Variants in HS6ST3 observed in about 807,000 individuals in gnomAD.
The protein encoded by HS6ST3 is heparan sulfate 6-O-sulfotransferase 3, also known as heparan-sulfate 6-O-sulfotransferase 3.
A neutral mutation model predicts 36.7 loss-of-function variants in HS6ST3; 12 were observed. That is an observed-to-expected ratio of 0.33 (90% CI 0.21 to 0.53). The LOEUF (loss-of-function observed/expected upper bound fraction) is 0.53. Ranked by LOEUF, HS6ST3 falls within the 20% of genes least tolerant of loss-of-function variation. The probability of loss-of-function intolerance (pLI) is 0.95; values close to 1 mark genes in which losing one functional copy is unlikely to be tolerated. For missense variants in HS6ST3, 584 were observed against 640.9 expected, an observed-to-expected ratio of 0.91 and a Z score of 0.96; for synonymous variants, 240 against 257.5, an observed-to-expected ratio of 0.93 and a Z score of 0.65.
chr13:96,238,086 C>T (rs1469873202), intron 1 of HS6ST3, among the ~76,000 whole-genome samples: 1 of 152,172 alleles, frequency 6.6e-6, no homozygotes, highest in Non-Finnish European at 1.5e-5. Flanking sequence ...ATTCCATCCT[C>T]CAAACCTGTT....
intron 1 of HS6ST3, among the ~76,000 whole-genome samples, chr13:96,195,555 T>C (rs764713936): frequency 3.9e-5 from 6 of 152,184 alleles, no homozygotes; most frequent in Non-Finnish European, 5.9e-5. Flanking sequence ...ACAACAGCTA[T>C]GTGTGGGACT....
chr13:96,675,663 C>T (rs2056696744), intron 1 of HS6ST3, among the ~76,000 whole-genome samples: 1 of 151,960 alleles, frequency 6.6e-6, no homozygotes, highest in Non-Finnish European at 1.5e-5. Flanking sequence ...AATGTAAGAC[C>T]CTCTGCATAT....
chr13:96,187,568 CATATTAGGT>C (rs1375799692), intron 1 of HS6ST3, among the ~76,000 whole-genome samples: 1 of 152,150 alleles, frequency 6.6e-6, no homozygotes, highest in Non-Finnish European at 1.5e-5. Context: ...CCCGTGGCTT[CATATTAGGT>C]TATAGAATAG....
At position 96,813,348 on chromosome 13, in the gene HS6ST3, G is replaced by C. The variant is rs528752199; in HGVS notation, c.708-19142G>C. Reference sequence around the variant, plus strand: ...GGGTATCAAAGGGCCTCAACATGCAGCTCTTCTTCCTGAGAAGGATAAACG... The same window carrying C: ...GGGTATCAAAGGGCCTCAACATGCACCTCTTCTTCCTGAGAAGGATAAACG... On this transcript the variant is annotated intron_variant, in intron 1 of 1. Transcript: ENST00000376705. Among the ~76,000 whole-genome samples the C allele has an allele frequency of 1.7e-4, 26 of 152,228 alleles. No individual in the cohort carries two copies. The South Asian group carries it at 3.1e-3, about 18-fold the overall frequency.
chr13:96,132,647 C>G (rs1402715722), intron 1 of HS6ST3, among the ~76,000 whole-genome samples: 1 of 152,048 alleles, frequency 6.6e-6, no homozygotes, highest in African/African-American at 2.4e-5. Flanking sequence ...CTCAAGTGAT[C>G]CTCCCACCTC....
At chr13:96,653,330 G>C (rs1315272092) in intron 1 of HS6ST3, among the ~76,000 whole-genome samples, 2 of 150,938 alleles carry the variant, frequency 1.3e-5, no homozygotes, top group Non-Finnish European at 3.0e-5. Context: ...ATCTACATTA[G>C]GTATTTCTAC....
chr13:96,418,216 T>C (rs2055544510), intron 1 of HS6ST3, among the ~76,000 whole-genome samples: 1 of 152,184 alleles, frequency 6.6e-6, no homozygotes, highest in African/African-American at 2.4e-5. Flanking sequence ...GTTTGCAGCA[T>C]GAGAACTGAA....
intron 1 of HS6ST3, among the ~76,000 whole-genome samples, chr13:96,348,665 C>T (rs924365747): frequency 3.3e-5 from 5 of 152,166 alleles, no homozygotes; most frequent in Non-Finnish European, 5.9e-5. Context: ...TCTATTTTGC[C>T]ACTCAGAGAG....
chr13:96,666,258 TG>T (rs962786104), intron 1 of HS6ST3, among the ~76,000 whole-genome samples: 7 of 152,160 alleles, frequency 4.6e-5, no homozygotes, highest in Admixed American at 3.9e-4. Flanking sequence ...AGCCCCACCA[TG>T]ATTCAATTAC....
chr13:96,724,900 G>C (rs770503602), intron 1 of HS6ST3, among the ~76,000 whole-genome samples: 3 of 152,180 alleles, frequency 2.0e-5, no homozygotes, highest in Admixed American at 6.5e-5. Flanking sequence ...TGGAATGACT[G>C]GATCATATAG....
intron 1 of HS6ST3, among the ~76,000 whole-genome samples, chr13:96,176,032 T>G (rs2054211340): frequency 6.6e-6 from 1 of 152,124 alleles, no homozygotes; most frequent in Non-Finnish European, 1.5e-5. Context: ...TTTTACCATG[T>G]TGGCCAGGTT....
At position 96,332,163 on chromosome 13, in the gene HS6ST3, C is replaced by T. The variant is rs148378620; in HGVS notation, c.707+240594C>T. Among the ~76,000 whole-genome samples, 425 of 152,332 alleles carry T rather than the reference C, an allele frequency of 2.8e-3. 4 individuals are homozygous for T. Among genetic ancestry groups the T allele is most frequent in the African/African-American group, 9.8e-3 (407 of 41,588 alleles). On this transcript the variant is annotated intron_variant, in intron 1 of 1. Coordinates refer to ENST00000376705, the MANE Select transcript of HS6ST3 (RefSeq NM_153456.4). ...TCTTCTGTGTCGCTCGTGCTGGGAG[C>T]TGTAGACCAGAGCTGTTCCTATTCG...
At chr13:96,446,869 C>G (rs900693354) in intron 1 of HS6ST3, among the ~76,000 whole-genome samples, 1 of 152,150 alleles carries the variant, frequency 6.6e-6, no homozygotes. Flanking sequence ...CTCCTGAGTT[C>G]CTTAGGTCAT....
At chr13:96,752,599 A>G (rs1199143795) in intron 1 of HS6ST3, among the ~76,000 whole-genome samples, 1 of 151,952 alleles carries the variant, frequency 6.6e-6, no homozygotes, top group African/African-American at 2.4e-5. Context: ...TTAATATCCC[A>G]CTATGTGAAA....
chr13:96,304,142 C>CAA (rs71113990), intron 1 of HS6ST3, among the ~76,000 whole-genome samples: 50,793 of 134,836 alleles, frequency 0.38, 9,539 homozygotes, highest in African/African-American at 0.49. Context: ...GACTCCATCT[C>CAA]AAAAAAAAAA....
At chr13:96,313,961 G>A (rs751562061) in intron 1 of HS6ST3, among the ~76,000 whole-genome samples, 13 of 152,136 alleles carry the variant, frequency 8.5e-5, no homozygotes, top group Non-Finnish European at 1.6e-4. Context: ...AGCACCTTGG[G>A]AAACCAAGGC....
intron 1 of HS6ST3, among the ~76,000 whole-genome samples, chr13:96,614,910 G>A (rs1258923385): frequency 1.3e-5 from 2 of 152,042 alleles, no homozygotes; most frequent in African/African-American, 4.8e-5. Flanking sequence ...CATTTTTATA[G>A]TAAGACTATT....
intron 1 of HS6ST3, among the ~76,000 whole-genome samples, chr13:96,416,752 A>ATTT (rs1023013886): frequency 6.1e-5 from 8 of 130,854 alleles, no homozygotes; most frequent in Admixed American, 7.8e-5. Flanking sequence ...ATAGGGTAAC[A>ATTT]TTTTTTTTTT....
chr13:96,600,663 A>C (rs72642790), intron 1 of HS6ST3, among the ~76,000 whole-genome samples: 2,519 of 152,130 alleles, frequency 0.017, 54 homozygotes, highest in African/African-American at 0.045. Context: ...AACCATTTAC[A>C]TTCAATGTTA....
Sources: allele counts gnomAD v4.1 joint callset (sites outside exome capture counted in the v4.1 genomes callset), GRCh38; gene constraint gnomAD v4.1.1; transcripts MANE v1.5; gene names NCBI Gene and HGNC (gene_info 2026-07-23, HGNC 2026-07-21).